Variants in PSD observed in about 807,000 individuals in gnomAD.
PSD encodes PH and SEC7 domain-containing protein 1.
PSD carries 32 observed loss-of-function variants against 91.6 expected under a neutral mutation model. That is an observed-to-expected ratio of 0.35 (90% CI 0.26 to 0.47). The LOEUF (loss-of-function observed/expected upper bound fraction) is 0.47, where lower values mean the gene tolerates loss of function less well. Ranked by LOEUF, PSD falls within the 20% of genes least tolerant of loss-of-function variation. The probability of loss-of-function intolerance (pLI) is 1.00; values close to 1 mark genes in which losing one functional copy is unlikely to be tolerated. For synonymous variants in PSD, 532 were observed against 569.3 expected (o/e 0.93, Z 0.93); for missense variants, 1,099 against 1,373.9 (o/e 0.80, Z 3.16).
In PSD at chr10:102,405,577, C is replaced by T. The variant is rs750976369; in HGVS notation, c.2136-41G>A. On this transcript the variant is annotated intron_variant, in intron 11 of 16. Transcript: ENST00000020673. The surrounding 1 kb of genome is among the most constrained non-coding windows in gnomAD (Gnocchi z 5.4). ...CCTCAGAGGGGGCTGGCCATGGAGC[C>T]GCGGCCCCCGCTTCAGTTCTGGCCT... is the stretch of plus-strand genomic sequence containing the variant. The T allele has an allele frequency of 4.2e-5, 65 of 1,562,086 alleles. No individual in the cohort carries two copies. The highest frequency in any genetic ancestry group is 5.2e-5 in the Non-Finnish European group (60 of 1,147,140).
At chr10:102,407,314 G>C in intron 10 of PSD, 48 bp from the exon 11 acceptor site, 4 of 1,314,272 alleles carry the variant, frequency 3.0e-6, no homozygotes, top group Non-Finnish European at 4.1e-6. Flanking sequence ...CAGTACCGCA[G>C]TGTCAGAGCT....
In PSD at chr10:102,409,243, G is replaced by C; in HGVS notation, c.2091+1615C>G. The C allele has an allele frequency of 1.0e-6, 1 of 984,570 alleles. No homozygotes were observed. Among genetic ancestry groups the C allele is most frequent in the African/African-American group, 1.7e-5 (1 of 57,146 alleles). The allele number at this position is 984,570 out of a possible 1,614,324, so 61.0% of individuals were successfully genotyped here. A position where few individuals can be genotyped will look rare whatever the true frequency, so the allele number is the denominator to read the frequency against. Reference sequence around the variant, plus strand: ...CCGGCCCGGCTCTCACGGACGCACGGAGTGCGCGGCGGCGGCGGCGGCGCT... The same window carrying C: ...CCGGCCCGGCTCTCACGGACGCACGCAGTGCGCGGCGGCGGCGGCGGCGCT... On this transcript the variant is annotated intron_variant, in intron 10 of 16. Transcript: ENST00000020673. The surrounding 1 kb of genome is among the most constrained non-coding windows in gnomAD (Gnocchi z 5.7).
chr10:102,403,314 G>A lies in PSD; in HGVS notation c.2961C>T (p.Leu987=), dbSNP rs749493439. 5.0e-6 allele frequency: 8 copies of A among 1,614,124 alleles called. No individual in the cohort carries two copies. The highest frequency in any genetic ancestry group is 6.8e-6 in the Non-Finnish European group (8 of 1,180,018). Residue 987 remains leucine, a synonymous_variant, in exon 17 of 17, where the codon CTC becomes CTT. Coordinates refer to ENST00000020673, the MANE Select transcript of PSD (RefSeq NM_002779.5). The surrounding 1 kb of genome is among the most constrained non-coding windows in gnomAD (Gnocchi z 6.7). ...GGGAGGGACTGGAGTGAGAAGGAGG[G>A]AGTCCATCCTCTGTGCTCCCGGCCT... ...LAQAGSTEDG[L]PPSHSSPSLQ...
In PSD at chr10:102,404,497, G is replaced by A. The variant is rs78570032; in HGVS notation, c.2700+86C>T. 383 of 1,488,212 alleles carry A rather than the reference G, an allele frequency of 2.6e-4. 3 individuals carry two copies. In the African/African-American group the frequency reaches 3.7e-3, roughly 14 times the overall value. The allele number at this position is 1,488,212 out of a possible 1,614,324, so 92.2% of individuals were successfully genotyped here. A position where few individuals can be genotyped will look rare whatever the true frequency, so the allele number is the denominator to read the frequency against. On this transcript the variant is annotated intron_variant, in intron 15 of 16. Transcript: ENST00000020673. The surrounding 1 kb of genome is among the most constrained non-coding windows in gnomAD (Gnocchi z 5.7). Reference sequence around the variant, plus strand: ...ATCCTGGTGCAGGGGACATCTCCACGATCACACGCAGCAGCCTTGAGTGCA... The same window carrying A: ...ATCCTGGTGCAGGGGACATCTCCACAATCACACGCAGCAGCCTTGAGTGCA...
At position 102,404,074 on chromosome 10, in the gene PSD, C is replaced by CAG; in HGVS notation, c.2701-90_2701-89insCT. On this transcript the variant is annotated intron_variant, in intron 15 of 16. Coordinates refer to ENST00000020673, the MANE Select transcript of PSD (RefSeq NM_002779.5). This position sits in a 1 kb window ranked among gnomAD's most constrained non-coding sequence, Gnocchi z 5.7. Reference sequence around the variant, plus strand: ...TAAAAAGATACCCCTTCCAGCCGGGCGCGGTGGCTCACGCCTGTAATCCCA... The same window carrying CAG: ...TAAAAAGATACCCCTTCCAGCCGGGCAGGCGGTGGCTCACGCCTGTAATCCCA... The CAG allele has an allele frequency of 7.0e-7, 1 of 1,428,038 alleles. No homozygotes were observed. The highest frequency in any genetic ancestry group is 9.2e-7 in the Non-Finnish European group (1 of 1,083,084). The allele number at this position is 1,428,038 out of a possible 1,614,324, so 88.5% of individuals were successfully genotyped here. A position where few individuals can be genotyped will look rare whatever the true frequency, so the allele number is the denominator to read the frequency against.
At chr10:102,412,355 C>T (rs78145470) in intron 6 of PSD, 26 bp downstream of exon 6, 23,226 of 1,612,216 alleles carry the variant, frequency 0.014, 220 homozygotes, top group Non-Finnish European at 0.018. Flanking sequence ...CTGCCCCCAT[C>T]CTCAGTCCCA....
chr10:102,413,916 C>G lies in PSD; in HGVS notation c.1406G>C (p.Gly469Ala), dbSNP rs145677127. The G allele has an allele frequency of 1.9e-6, 3 of 1,613,914 alleles. No individual in the cohort carries two copies. The Admixed American group carries it at 5.0e-5, about 27-fold the overall frequency. Residue 469 changes from glycine (G) to alanine (A), a missense_variant, in exon 5 of 17, where the codon GGT (glycine) becomes GCT (alanine). This residue lies in a region of PSD where 631 missense variants were observed against 728.8 expected (regional missense o/e 0.87). Transcript: ENST00000020673. ...APLAPLEPDS[G>A]TSSAADGPWT... is the part of the protein sequence containing the mutation. The stretch of plus-strand genomic sequence containing the variant: ...AGGACCATCAGCAGCAGAGCTGGTA[C>G]CAGAATCCGGTTCAAGAGGGGCAAG...
chr10:102,407,284 C>T lies in PSD; in HGVS notation c.2092-18G>A, dbSNP rs924158335. The T allele has an allele frequency of 1.3e-6, 2 of 1,552,826 alleles. No homozygotes were observed. The highest frequency in any genetic ancestry group is 3.7e-5 in the Admixed American group (2 of 54,262). On this transcript the variant is annotated intron_variant, in intron 10 of 16. Transcript: ENST00000020673. ...TACAAGGCCTGGGGGGTGGGGGGAA[C>T]AAATTAGGGGGTTGTGGGTCAGTAC...
rs2061315498 is a variant in PSD at position 102,403,713 on chromosome 10, G to T, written c.2844+129C>A. Reference sequence around the variant, plus strand: ...TCAAATGTTATCCTTGTTGCACAGAGGAGGAAACTGAGGCTTAGGTTAAGC... The same window carrying T: ...TCAAATGTTATCCTTGTTGCACAGATGAGGAAACTGAGGCTTAGGTTAAGC... On this transcript the variant is annotated intron_variant, in intron 16 of 16. Coordinates refer to ENST00000020673, the MANE Select transcript of PSD (RefSeq NM_002779.5). The surrounding 1 kb of genome is among the most constrained non-coding windows in gnomAD (Gnocchi z 6.7). The T allele has an allele frequency of 2.4e-6, 3 of 1,226,646 alleles. No homozygotes were observed. The highest frequency in any genetic ancestry group is 3.0e-5 in the African/African-American group (2 of 66,438). The allele number at this position is 1,226,646 out of a possible 1,614,324, so 76.0% of individuals were successfully genotyped here. A position where few individuals can be genotyped will look rare whatever the true frequency, so the allele number is the denominator to read the frequency against.
chr10:102,407,196 GC>G, intron 11 of PSD, 26 bp downstream of exon 11: 1 of 1,594,038 alleles, frequency 6.3e-7, no homozygotes, highest in South Asian at 1.1e-5. Context: ...CCCCATCCTA[GC>G]CCCACCACGC....
At chr10:102,411,615 C>T in intron 8 of PSD, 92 bp downstream of exon 8, 1 of 935,816 alleles carries the variant, frequency 1.1e-6, no homozygotes, top group Non-Finnish European at 1.7e-6. Flanking sequence ...CCCTGCTGTA[C>T]ACACACTCAT....
intron 3 of PSD, among the ~76,000 whole-genome samples, 182 bp from the exon 4 acceptor site, chr10:102,415,411 A>C (rs756767025): frequency 6.6e-6 from 1 of 152,182 alleles, no homozygotes; most frequent in Non-Finnish European, 1.5e-5. Context: ...TTTTAAATCA[A>C]GTTCTTGTCA....
Position 102,410,127 on chromosome 10 carries a change from G to C in PSD, c.2091+731C>G, listed in dbSNP as rs1245918179. Among the ~76,000 whole-genome samples the C allele has an allele frequency of 1.3e-5, 2 of 152,200 alleles. No individual in the cohort carries two copies. Among genetic ancestry groups the C allele is most frequent in the Non-Finnish European group, 2.9e-5 (2 of 68,036 alleles). On this transcript the variant is annotated intron_variant, in intron 10 of 16. Coordinates refer to ENST00000020673, the MANE Select transcript of PSD (RefSeq NM_002779.5). This position sits in a 1 kb window ranked among gnomAD's most constrained non-coding sequence, Gnocchi z 6.0. ...GCTGTTACATGTATGTAGTGGAGCAGAGACACCTTTGTCCTAGCCTGGGGG... is the reference window on the plus strand; with the variant it reads ...GCTGTTACATGTATGTAGTGGAGCACAGACACCTTTGTCCTAGCCTGGGGG...
At position 102,402,849 on chromosome 10, in the gene PSD, G is replaced by A. The variant is rs912545720; in HGVS notation, c.*351C>T. The stretch of plus-strand genomic sequence containing the variant: ...CAAGCCAGGCCCCAGGACAGAGGGG[G>A]ACTGATGGTGTCAGGGTGGGGGTGG... On this transcript the variant is annotated 3_prime_UTR_variant, in exon 17 of 17. Coordinates refer to ENST00000020673, the MANE Select transcript of PSD (RefSeq NM_002779.5). 51 of 264,608 alleles carry A rather than the reference G, an allele frequency of 1.9e-4. No homozygotes were observed. Among genetic ancestry groups the A allele is most frequent in the Admixed American group, 3.2e-4 (6 of 18,932 alleles). 16.4% of individuals were successfully genotyped at this position (264,608 alleles called of 1,614,324 possible).
Position 102,403,483 on chromosome 10 carries a change from CCCA to C in PSD, c.2845-56_2845-54del. On this transcript the variant is annotated intron_variant, in intron 16 of 16. Coordinates refer to ENST00000020673, the MANE Select transcript of PSD (RefSeq NM_002779.5). This position sits in a 1 kb window ranked among gnomAD's most constrained non-coding sequence, Gnocchi z 6.7. ...AGCCTCTTCTCTGCCTTCTGCCCAC[CCCA>C]CCATCTGGACCAGGGAGGGCCGCCA... 1 of 1,508,850 alleles carries C rather than the reference CCCA, an allele frequency of 6.6e-7. No homozygotes were observed. Among genetic ancestry groups the C allele is most frequent in the South Asian group, 1.2e-5 (1 of 80,486 alleles). 93.5% of individuals were successfully genotyped at this position (1,508,850 alleles called of 1,614,324 possible).
At position 102,405,515 on chromosome 10, in the gene PSD, G is replaced by A. The variant is rs146198921; in HGVS notation, c.2157C>T (p.Arg719=). ...TGGGGTCGGCCAACTCAGACAGAGA[G>A]CGTCTCAGCTCCTCCTCGTCTCTGC... ...QWAIDEEELR[R]SLSELADPNP... is the part of the protein sequence containing the mutation. The change falls in exon 12 of 17, where the codon CGC becomes CGT. Residue 719 remains arginine, a synonymous_variant. Transcript: ENST00000020673. This position sits in a 1 kb window ranked among gnomAD's most constrained non-coding sequence, Gnocchi z 5.4. The A allele has an allele frequency of 1.2e-4, 198 of 1,613,712 alleles. No individual in the cohort carries two copies. The highest frequency in any genetic ancestry group is 8.5e-4 in the Admixed American group (51 of 60,020).
In PSD at chr10:102,414,238, A is replaced by T. The variant is rs773035593; in HGVS notation, c.1125-41T>A. 50 of 1,527,694 alleles carry T rather than the reference A, an allele frequency of 3.3e-5. No homozygotes were observed. The highest frequency in any genetic ancestry group is 4.2e-5 in the Non-Finnish European group (47 of 1,123,366). 94.6% of individuals were successfully genotyped at this position (1,527,694 alleles called of 1,614,324 possible). Reference sequence around the variant, plus strand: ...GAATCTCTGATTAGGGGCCCAGATCACAGGGCTGGGGCAGGATTTCACTGA... The same window carrying T: ...GAATCTCTGATTAGGGGCCCAGATCTCAGGGCTGGGGCAGGATTTCACTGA... On this transcript the variant is annotated intron_variant, in intron 4 of 16. Coordinates refer to ENST00000020673, the MANE Select transcript of PSD (RefSeq NM_002779.5). This position sits in a 1 kb window ranked among gnomAD's most constrained non-coding sequence, Gnocchi z 5.6.
In PSD at chr10:102,416,024, G is replaced by C. The variant is rs561554640; in HGVS notation, c.750C>G (p.Pro250=). The C allele has an allele frequency of 6.2e-7, 1 of 1,609,260 alleles. No individual in the cohort carries two copies. ...WEFFYGSLDP[P]SSGAKPPEQA... is the part of the protein sequence containing the mutation. ...CTCAGTCCCAGGCCTTACCTGAGCT[G>C]GGGGGGTCCAAGGAGCCATAGAAGA... Residue 250 remains proline (P), a synonymous_variant, in exon 3 of 17, where the codon CCC becomes CCG. Transcript: ENST00000020673. The surrounding 1 kb of genome is among the most constrained non-coding windows in gnomAD (Gnocchi z 6.0).
upstream of PSD, chr10:102,419,103 C>T (rs2061524263): frequency 3.5e-6 from 1 of 288,194 alleles, no homozygotes; most frequent in Non-Finnish European, 7.1e-6. The surrounding 1 kb of genome is among the most constrained non-coding windows in gnomAD (Gnocchi z 4.8). Context: ...CGCTCCAGAC[C>T]CCACGCGTGT....
Sources: gnomAD v4.1 joint callset for allele counts (sites outside exome capture counted in the v4.1 genomes callset) on GRCh38, gnomAD v4.1.1 for gene constraint, gnomAD v4.1.1 regional missense constraint, Gnocchi (gnomAD v3.1) non-coding constraint, MANE v1.5 for transcripts, NCBI Gene and HGNC (gene_info 2026-07-23, HGNC 2026-07-21) for gene names.